The following TENM3 variants were observed in gnomAD, a reference collection of about 807,000 sequenced individuals.
The protein encoded by TENM3 is teneurin-3.
In TENM3, 63 loss-of-function variants were observed where a neutral mutation model predicts 255.1. That is an observed-to-expected ratio of 0.25 (90% CI 0.20 to 0.30). The LOEUF is 0.30. TENM3 is among the 10% of genes least tolerant of loss of function. TENM3 has a pLI of 1.00. For synonymous variants in TENM3, 1,306 were observed against 1,322.3 expected, an observed-to-expected ratio of 0.99 and a Z score of 0.27; for missense variants, 2,929 against 3,461.1, an observed-to-expected ratio of 0.85 and a Z score of 3.86.
chr4:182,070,715 T>TTAATAAAAG, the TENM3 span, among the ~76,000 whole-genome samples: 3 of 152,214 alleles, frequency 2.0e-5, no homozygotes, highest in Non-Finnish European at 4.4e-5. Context: ...AGAAGCCAGG[T>TTAATAAAAG]TAATAAAAGG....
At chr4:182,556,261 T>C (rs1177950481) in intron 3 of TENM3, among the ~76,000 whole-genome samples, 1 of 152,228 alleles carries the variant, frequency 6.6e-6, no homozygotes, top group African/African-American at 2.4e-5. Flanking sequence ...GAGATTGCAA[T>C]GCACACAGGC....
chr4:182,133,477 A>C, the TENM3 span, among the ~76,000 whole-genome samples: 1 of 152,212 alleles, frequency 6.6e-6, no homozygotes, highest in Non-Finnish European at 1.5e-5. Flanking sequence ...ATTTCTGATA[A>C]TAAATAGAAC....
At chr4:182,418,244 A>G (rs1580471159) in intron 3 of TENM3, among the ~76,000 whole-genome samples, 1 of 152,224 alleles carries the variant, frequency 6.6e-6, no homozygotes, top group African/African-American at 2.4e-5. Flanking sequence ...AGAGCTAAGC[A>G]GTTTCTTTGA....
chr4:181,994,344 C>T, the TENM3 span, among the ~76,000 whole-genome samples: 1 of 151,972 alleles, frequency 6.6e-6, no homozygotes, highest in African/African-American at 2.4e-5. Context: ...GATGGAGATA[C>T]AATAAGGATG....
intron 1 of TENM3, among the ~76,000 whole-genome samples, chr4:182,323,293 A>G (rs1366957854): frequency 6.6e-6 from 1 of 152,168 alleles, no homozygotes; most frequent in African/African-American, 2.4e-5. Flanking sequence ...CATTTGCTAG[A>G]GAGGAAAATC....
At chr4:181,718,774 AG>A in the TENM3 span, among the ~76,000 whole-genome samples, 2 of 152,184 alleles carry the variant, frequency 1.3e-5, no homozygotes, top group Non-Finnish European at 2.9e-5. Flanking sequence ...ACATTCCTGA[AG>A]GCAAGGATTA....
At chr4:182,791,213 GCCCCTGGGTCTGC>G (rs1213445860) in intron 25 of TENM3, among the ~76,000 whole-genome samples, 1 of 152,194 alleles carries the variant, frequency 6.6e-6, no homozygotes, top group Non-Finnish European at 1.5e-5. Flanking sequence ...TGCAAAAATT[GCCCCTGGGTCTGC>G]CCAAAGAGGA....
At chr4:182,367,681 T>C (rs1333970578) in intron 3 of TENM3, among the ~76,000 whole-genome samples, 1 of 152,062 alleles carries the variant, frequency 6.6e-6, no homozygotes, top group Non-Finnish European at 1.5e-5. Flanking sequence ...GAAAGATAGT[T>C]AAAATAGACT....
At chr4:182,306,243 G>C (rs28702044) in intron 1 of TENM3, among the ~76,000 whole-genome samples, 25,259 of 151,318 alleles carry the variant, frequency 0.17, 2,282 homozygotes, top group Middle Eastern at 0.24. Context: ...ACCCAGGCTG[G>C]AGTACAGTGG....
intron 3 of TENM3, among the ~76,000 whole-genome samples, chr4:182,383,497 G>T (rs1381296370): frequency 1.1e-5 from 1 of 93,476 alleles, no homozygotes; most frequent in Non-Finnish European, 2.5e-5. Context: ...TGGAGACTCA[G>T]GGGTACAGGT....
chr4:181,917,648 T>C, the TENM3 span, among the ~76,000 whole-genome samples: 1 of 149,986 alleles, frequency 6.7e-6, no homozygotes, highest in Non-Finnish European at 1.5e-5. Flanking sequence ...TTCCTCAGAC[T>C]TCTTTTTTTT....
intron 3 of TENM3, among the ~76,000 whole-genome samples, chr4:182,421,747 AAAAG>A (rs753653593): frequency 2.6e-5 from 4 of 152,192 alleles, no homozygotes; most frequent in Non-Finnish European, 4.4e-5. Context: ...AGCTGTGAAA[AAAAG>A]AAAAACAATC....
At chr4:181,707,169 G>A in the TENM3 span, among the ~76,000 whole-genome samples, 3 of 152,180 alleles carry the variant, frequency 2.0e-5, no homozygotes, top group Non-Finnish European at 4.4e-5. Context: ...TGGCAGCTTT[G>A]CTTGGCCCAA....
chr4:181,814,726 A>T, the TENM3 span, among the ~76,000 whole-genome samples: 1 of 152,296 alleles, frequency 6.6e-6, no homozygotes, highest in Non-Finnish European at 1.5e-5. Context: ...GAAAATTATG[A>T]AATAATTTGC....
In TENM3 at chr4:182,355,884, G is replaced by A. The variant is rs139101704; in HGVS notation, c.511+8955G>A. ...TGTGTCTGTGGGCCATCAAGTTTCAGTAATTTATTAGCCAATTATATATAT... is the reference window on the plus strand; with the variant it reads ...TGTGTCTGTGGGCCATCAAGTTTCAATAATTTATTAGCCAATTATATATAT... On this transcript the variant is annotated intron_variant, in intron 3 of 27. Transcript: ENST00000511685. 3.3e-5 allele frequency among the ~76,000 whole-genome samples: 5 copies of A among 150,430 alleles called. No homozygotes were observed. The East Asian group carries it at 9.7e-4, about 29-fold the overall frequency.
the TENM3 span, among the ~76,000 whole-genome samples, chr4:181,540,474 G>T: frequency 2.0e-5 from 3 of 152,064 alleles, no homozygotes; most frequent in African/African-American, 7.2e-5. Context: ...AGTACAGAGC[G>T]GACAGGGAGA....
At chr4:182,600,629 G>A (rs983861951) in intron 3 of TENM3, among the ~76,000 whole-genome samples, 6 of 151,882 alleles carry the variant, frequency 4.0e-5, no homozygotes, top group Non-Finnish European at 7.4e-5. Flanking sequence ...TTTTCTGTAG[G>A]TGTTAATAAA....
Position 182,688,209 on chromosome 4 carries a change from G to T in TENM3, c.2079G>T (p.Gly693=), listed in dbSNP as rs1756739234. 1.2e-6 allele frequency: 2 copies of T among 1,613,858 alleles called. No individual in the cohort carries two copies. Among genetic ancestry groups the T allele is most frequent in the South Asian group, 1.1e-5 (1 of 91,054 alleles). ...VDCGSHGVCM[G]GTCRCEEGWT... ...GTGGCTCACACGGCGTTTGCATGGG[G>T]GGGACGTGTCGCTGTGAAGAAGGCT... The change falls in exon 12 of 28, where the codon GGG becomes GGT. Residue 693 remains glycine (G), a synonymous_variant. Coordinates refer to ENST00000511685, the MANE Select transcript of TENM3 (RefSeq NM_001080477.4).
chr4:181,784,943 C>A, the TENM3 span, among the ~76,000 whole-genome samples: 1 of 152,012 alleles, frequency 6.6e-6, no homozygotes, highest in Admixed American at 6.6e-5. Flanking sequence ...TAAAATGTGG[C>A]TGGAGAAATG....
Sources: gnomAD v4.1 joint callset for allele counts (sites outside exome capture counted in the v4.1 genomes callset) on GRCh38, gnomAD v4.1.1 for gene constraint, MANE v1.5 for transcripts, NCBI Gene and HGNC (gene_info 2026-07-23, HGNC 2026-07-21) for gene names.